Variants in NKAIN3 observed in about 807,000 individuals in gnomAD.
NKAIN3 encodes sodium/potassium-transporting ATPase subunit beta-1-interacting protein 3.
In NKAIN3, 25 loss-of-function variants were observed where a neutral mutation model predicts 30.2. The observed-to-expected ratio is 0.83, with a 90% CI of 0.60 to 1.16. NKAIN3 has a LOEUF of 1.16. Ranked by LOEUF, NKAIN3 falls within the 50% of genes most tolerant of loss-of-function variation. The pLI, the probability that NKAIN3 is intolerant of heterozygous loss-of-function variation, is 0.00. For missense variants in NKAIN3, 225 were observed against 254.1 expected (o/e 0.89, Z 0.78); for synonymous variants, 91 against 89.6 (o/e 1.02, Z -0.09).
At chr8:62,918,410 C>T (rs532220453) in intron 4 of NKAIN3, 43 bp from the exon 5 acceptor site, 10 of 1,444,026 alleles carry the variant, frequency 6.9e-6, no homozygotes, top group Non-Finnish European at 9.7e-6. Context: ...AGTATGGAAA[C>T]TTGGCATAGA....
intron 1 of NKAIN3, chr8:62,482,373 G>A (rs773160394): frequency 6.6e-6 from 1 of 152,192 alleles, no homozygotes; most frequent in African/African-American, 2.4e-5. Flanking sequence ...AGAATAAAGG[G>A]GACAGCAAGG....
At chr8:62,733,168 C>T (rs1815535873) in intron 3 of NKAIN3, among the ~76,000 whole-genome samples, 1 of 152,150 alleles carries the variant, frequency 6.6e-6, no homozygotes, top group East Asian at 1.9e-4. Context: ...TACCCTCCAC[C>T]TAAACAATAC....
chr8:62,454,150 G>C (rs1204330797), intron 1 of NKAIN3, among the ~76,000 whole-genome samples: 3 of 151,624 alleles, frequency 2.0e-5, no homozygotes, highest in African/African-American at 7.3e-5. Context: ...CTGAAATCCA[G>C]TGTTGTGGAC....
At chr8:62,652,164 C>T (rs758570801) in intron 3 of NKAIN3, among the ~76,000 whole-genome samples, 1 of 152,112 alleles carries the variant, frequency 6.6e-6, no homozygotes, top group Non-Finnish European at 1.5e-5. Flanking sequence ...CAAATGCCAT[C>T]ATCTTGGGGA....
chr8:62,301,548 A>T (rs1195975886), intron 1 of NKAIN3, among the ~76,000 whole-genome samples: 2 of 152,118 alleles, frequency 1.3e-5, no homozygotes, highest in East Asian at 3.9e-4. Context: ...TTAAGAGTAG[A>T]TTACAGCCCA....
chr8:62,779,416 G>A (rs572242832), intron 4 of NKAIN3, among the ~76,000 whole-genome samples: 23 of 152,180 alleles, frequency 1.5e-4, no homozygotes, highest in Non-Finnish European at 2.9e-4. Context: ...CCTCTGACTA[G>A]GGCTGTTATA....
In NKAIN3 at chr8:62,505,200, C is replaced by G. The variant is rs191314381; in HGVS notation, c.55-74339C>G. On this transcript the variant is annotated intron_variant, in intron 1 of 6. Transcript: ENST00000623646. ...CTATGCACAAAACTTTGCTGTGAAA[C>G]ATTTATCAGTTAAGATTTGGTTATT... Among the ~76,000 whole-genome samples, 4 of 152,250 alleles carry G rather than the reference C, an allele frequency of 2.6e-5. No individual in the cohort carries two copies. In the East Asian group the frequency reaches 7.7e-4, roughly 29 times the overall value.
chr8:62,642,706 C>CT (rs1190751254), intron 3 of NKAIN3, among the ~76,000 whole-genome samples: 2 of 151,968 alleles, frequency 1.3e-5, no homozygotes, highest in African/African-American at 4.8e-5. Context: ...CCCTTGGCTC[C>CT]TTTTCCTGCA....
chr8:62,572,434 C>A (rs546310722), intron 1 of NKAIN3, among the ~76,000 whole-genome samples: 3 of 152,294 alleles, frequency 2.0e-5, no homozygotes, highest in Admixed American at 2.0e-4. Flanking sequence ...TTTGAGCCCT[C>A]CAAACTGTTC....
intron 4 of NKAIN3, chr8:62,855,641 T>A: frequency 1.2e-6 from 2 of 1,604,282 alleles, no homozygotes; most frequent in South Asian, 2.2e-5. Context: ...GGCCAAGGCC[T>A]CCAGGTTCCT....
chr8:62,826,933 G>C (rs571107655), intron 4 of NKAIN3, among the ~76,000 whole-genome samples: 3 of 152,220 alleles, frequency 2.0e-5, no homozygotes, highest in East Asian at 1.9e-4. Context: ...TCTTTTATCA[G>C]AACGGGCTAT....
intron 1 of NKAIN3, among the ~76,000 whole-genome samples, chr8:62,249,753 C>T (rs1812031813): frequency 6.6e-6 from 1 of 151,950 alleles, no homozygotes; most frequent in Admixed American, 6.5e-5. Context: ...CATGTTCAGG[C>T]GGCGACAGAC....
At chr8:62,458,367 G>A (rs1391614127) in intron 1 of NKAIN3, among the ~76,000 whole-genome samples, 1 of 152,196 alleles carries the variant, frequency 6.6e-6, no homozygotes, top group Admixed American at 6.5e-5. Flanking sequence ...AAAGTGGTAA[G>A]GCATTTTAAG....
intron 1 of NKAIN3, among the ~76,000 whole-genome samples, chr8:62,270,333 T>C (rs1340724845): frequency 2.0e-5 from 3 of 152,112 alleles, no homozygotes; most frequent in African/African-American, 7.2e-5. Context: ...CATCCTTCCT[T>C]GGCCTCTCAA....
At chr8:62,306,077 C>T (rs1814229473) in intron 1 of NKAIN3, among the ~76,000 whole-genome samples, 1 of 150,542 alleles carries the variant, frequency 6.6e-6, no homozygotes, top group Admixed American at 6.6e-5. Flanking sequence ...TTTGATTGCA[C>T]ATCATTTTCA....
At chr8:62,764,795 G>A (rs908999210) in intron 4 of NKAIN3, among the ~76,000 whole-genome samples, 5 of 152,168 alleles carry the variant, frequency 3.3e-5, no homozygotes, top group African/African-American at 1.2e-4. Context: ...CAAATCATGA[G>A]ATTTATGTGT....
At chr8:62,456,246 G>A (rs1181312916) in intron 1 of NKAIN3, among the ~76,000 whole-genome samples, 2 of 152,190 alleles carry the variant, frequency 1.3e-5, no homozygotes, top group Non-Finnish European at 2.9e-5. Context: ...AACCAGCCAG[G>A]CACAGGGGCT....
chr8:62,952,558 T>A (rs1823313343), intron 5 of NKAIN3, among the ~76,000 whole-genome samples: 2 of 152,236 alleles, frequency 1.3e-5, no homozygotes, highest in African/African-American at 4.8e-5. Context: ...GAAGAACTGC[T>A]TTGTAAATCA....
intron 1 of NKAIN3, among the ~76,000 whole-genome samples, chr8:62,423,775 T>C (rs1295911431): frequency 6.6e-6 from 1 of 152,022 alleles, no homozygotes; most frequent in Non-Finnish European, 1.5e-5. Flanking sequence ...AACTAATACC[T>C]TTTTTATTAC....
Sources: gnomAD v4.1 joint callset for allele counts (sites outside exome capture counted in the v4.1 genomes callset) on GRCh38, gnomAD v4.1.1 for gene constraint, MANE v1.5 for transcripts, NCBI Gene and HGNC (gene_info 2026-07-23, HGNC 2026-07-21) for gene names.